The following TENM2 variants were observed in gnomAD, a reference collection of about 807,000 sequenced individuals.
TENM2 encodes teneurin-2.
In TENM2, 52 loss-of-function variants were observed where a neutral mutation model predicts 245.2. That is an observed-to-expected ratio of 0.21 (90% CI 0.17 to 0.27). The LOEUF (loss-of-function observed/expected upper bound fraction) is 0.27. TENM2 is among the 10% of genes least tolerant of loss of function. The probability of loss-of-function intolerance (pLI) is 1.00; values close to 1 mark genes in which losing one functional copy is unlikely to be tolerated. For synonymous variants in TENM2, 1,363 were observed against 1,438.9 expected (o/e 0.95, Z 1.19); for missense variants, 3,046 against 3,666.8 (o/e 0.83, Z 4.37).
In TENM2 at chr5:167,604,255, G is replaced by C. The variant is rs559769988; in HGVS notation, c.502+228782G>C. On this transcript the variant is annotated intron_variant, in intron 2 of 28. Transcript: ENST00000518659. The stretch of plus-strand genomic sequence containing the variant: ...CAAGAAGGGTAGAAGGTGTAGGTAG[G>C]AAATGAGTCTGTTCTCTGCAATGAA... Among the ~76,000 whole-genome samples, 18 of 152,284 alleles carry C rather than the reference G, an allele frequency of 1.2e-4. No individual in the cohort carries two copies. The East Asian group carries it at 3.5e-3, about 29-fold the overall frequency.
In TENM2 at chr5:167,880,377, C is replaced by T. The variant is rs556271217; in HGVS notation, c.712+4182C>T. On this transcript the variant is annotated intron_variant, in intron 3 of 28. Coordinates refer to ENST00000518659, the Ensembl canonical transcript of TENM2. ...TTTTTTCAGCTATAATTAGATGATA[C>T]AATAAAGGTAAAGGAAAAATTTAAG... is the stretch of plus-strand genomic sequence containing the variant. Among the ~76,000 whole-genome samples the T allele has an allele frequency of 1.3e-3, 203 of 151,964 alleles. 1 individual carries two copies. Among genetic ancestry groups the T allele is most frequent in the Non-Finnish European group, 9.4e-4 (64 of 67,982 alleles).
chr5:167,417,039 T>C (rs746761968), intron 2 of TENM2, among the ~76,000 whole-genome samples: 2 of 152,212 alleles, frequency 1.3e-5, no homozygotes, highest in Non-Finnish European at 2.9e-5. Context: ...TCAAATATTG[T>C]CTTAGGATCT....
chr5:168,236,969 TATATATATATATATATATA>T (rs1765525118), intron 25 of TENM2, among the ~76,000 whole-genome samples: 1 of 7,166 alleles, frequency 1.4e-4, no homozygotes, highest in Non-Finnish European at 2.5e-4. Flanking sequence ...TATATATATA[TATATATATATATATATATA>T]TATATATATA....
chr5:167,109,710 T>C, the TENM2 span, among the ~76,000 whole-genome samples: 1 of 152,048 alleles, frequency 6.6e-6, no homozygotes, highest in South Asian at 2.1e-4. Flanking sequence ...ACAACTCACT[T>C]CTCACGTTCA....
the TENM2 span, among the ~76,000 whole-genome samples, chr5:167,016,977 A>G: frequency 6.6e-6 from 1 of 152,220 alleles, no homozygotes; most frequent in South Asian, 2.1e-4. Context: ...GTCTTGTGCC[A>G]ATTTCTGAGC....
At chr5:167,052,207 G>T in the TENM2 span, among the ~76,000 whole-genome samples, 1 of 152,164 alleles carries the variant, frequency 6.6e-6, no homozygotes, top group South Asian at 2.1e-4. Context: ...GAGGGATGGA[G>T]AATACCTCAA....
chr5:167,012,366 T>C, the TENM2 span, among the ~76,000 whole-genome samples: 3 of 152,212 alleles, frequency 2.0e-5, no homozygotes, highest in African/African-American at 7.2e-5. Flanking sequence ...CCCTTGGCTC[T>C]TGGAGCTCAT....
At chr5:167,553,415 T>C (rs1773080487) in intron 2 of TENM2, among the ~76,000 whole-genome samples, 1 of 152,136 alleles carries the variant, frequency 6.6e-6, no homozygotes. Flanking sequence ...ACTATGAATG[T>C]ATAAACAGGT....
Position 167,312,552 on chromosome 5 carries a change from C to T in TENM2, c.226+27489C>T, listed in dbSNP as rs551653261. On this transcript the variant is annotated intron_variant, in intron 1 of 28. Transcript: ENST00000518659. ...ATCTGTGGGAAGCTTTCTGCCTATA[C>T]AACAAATCATTCCTAGGGAGGGCTG... 2.6e-4 allele frequency among the ~76,000 whole-genome samples: 40 copies of T among 152,118 alleles called. 1 individual carries two copies. The South Asian group carries it at 3.9e-3, about 15-fold the overall frequency.
At chr5:167,044,005 C>A in the TENM2 span, among the ~76,000 whole-genome samples, 1 of 140,342 alleles carries the variant, frequency 7.1e-6, no homozygotes. Context: ...GGTGACAGAG[C>A]GAGACTGCAT....
chr5:167,585,025 A>C (rs1033307014), intron 2 of TENM2, among the ~76,000 whole-genome samples: 2 of 152,158 alleles, frequency 1.3e-5, no homozygotes, highest in African/African-American at 2.4e-5. Context: ...GAATGTGCAA[A>C]TATATAAATA....
At chr5:168,035,897 C>A (rs1451485539) in intron 5 of TENM2, among the ~76,000 whole-genome samples, 1 of 152,160 alleles carries the variant, frequency 6.6e-6, no homozygotes, top group Non-Finnish European at 1.5e-5. Context: ...GTAACTGCCT[C>A]GTGAGTGTCC....
intron 1 of TENM2, among the ~76,000 whole-genome samples, chr5:167,333,288 G>GCCACCATGCCC (rs1440275895): frequency 6.6e-6 from 1 of 152,144 alleles, no homozygotes; most frequent in Non-Finnish European, 1.5e-5. Context: ...TTCTTTCTGT[G>GCCACCATGCCC]AGACCCCTAC....
chr5:167,380,802 G>T (rs1436528766), intron 2 of TENM2, among the ~76,000 whole-genome samples: 1 of 152,086 alleles, frequency 6.6e-6, no homozygotes, highest in East Asian at 1.9e-4. Context: ...TACTGCGAAG[G>T]CAGTAAAATG....
chr5:167,119,287 T>C, the TENM2 span, among the ~76,000 whole-genome samples: 51 of 152,324 alleles, frequency 3.3e-4, no homozygotes, highest in African/African-American at 1.2e-3. Flanking sequence ...TAGTGAGCAC[T>C]TTCTACGTGG....
chr5:167,452,276 G>T (rs749114281), intron 2 of TENM2, among the ~76,000 whole-genome samples: 11 of 152,132 alleles, frequency 7.2e-5, no homozygotes, highest in Non-Finnish European at 8.8e-5. Context: ...AGATGAGTGT[G>T]GTCCTAGACT....
At chr5:167,136,267 A>G in the TENM2 span, among the ~76,000 whole-genome samples, 3 of 152,184 alleles carry the variant, frequency 2.0e-5, no homozygotes, top group Non-Finnish European at 2.9e-5. Context: ...GTATAGGCTG[A>G]ATGAATCAAC....
intron 2 of TENM2, among the ~76,000 whole-genome samples, chr5:167,723,899 A>G (rs757005681): frequency 3.3e-5 from 5 of 152,228 alleles, no homozygotes; most frequent in Non-Finnish European, 4.4e-5. Context: ...CTGCTAAGGA[A>G]CGTGAATCTA....
At chr5:167,287,946 GTGAGCAGTGGTC>G (rs1441290532) in intron 1 of TENM2, 1 of 152,184 alleles carries the variant, frequency 6.6e-6, no homozygotes, top group Non-Finnish European at 1.5e-5. Context: ...CCTGACAAAA[GTGAGCAGTGGTC>G]TGATCCCTGG....
Sources: allele counts gnomAD v4.1 joint callset (sites outside exome capture counted in the v4.1 genomes callset), GRCh38; gene constraint gnomAD v4.1.1; transcripts MANE v1.5; gene names NCBI Gene and HGNC (gene_info 2026-07-23, HGNC 2026-07-21).